The following RABGAP1L variants were observed in gnomAD, a reference collection of about 807,000 sequenced individuals.
RABGAP1L encodes the protein rab GTPase-activating protein 1-like.
In RABGAP1L, 63 loss-of-function variants were observed where a neutral mutation model predicts 137.7. The ratio of observed to expected loss-of-function variants is 0.46; its 90% CI spans 0.37 to 0.56. The LOEUF (loss-of-function observed/expected upper bound fraction) is 0.56. RABGAP1L is among the 20% of genes least tolerant of loss of function. The pLI is 0.00. For synonymous variants in RABGAP1L, 431 were observed against 433.7 expected (o/e 0.99, Z 0.08); for missense variants, 1,095 against 1,244.0 (o/e 0.88, Z 1.80).
At chr1:174,375,360 A>G (rs1383814712) in intron 12 of RABGAP1L, among the ~76,000 whole-genome samples, 1 of 151,930 alleles carries the variant, frequency 6.6e-6, no homozygotes, top group Non-Finnish European at 1.5e-5. Flanking sequence ...AAGCAAGGAA[A>G]TAAGAACAGA....
intron 19 of RABGAP1L, among the ~76,000 whole-genome samples, chr1:174,891,744 A>G (rs1656179415): frequency 1.3e-5 from 2 of 152,134 alleles, no homozygotes; most frequent in South Asian, 2.1e-4. Context: ...GCTTCAAGCA[A>G]TCCTCCAGCC....
chr1:174,512,159 G>C (rs1009008847), intron 13 of RABGAP1L, among the ~76,000 whole-genome samples: 2 of 151,950 alleles, frequency 1.3e-5, no homozygotes, highest in African/African-American at 4.8e-5. Context: ...AACTAGTTAG[G>C]AAAAACAAAG....
intron 9 of RABGAP1L, among the ~76,000 whole-genome samples, chr1:174,276,584 A>C (rs1248829491): frequency 1.3e-5 from 2 of 152,168 alleles, no homozygotes; most frequent in African/African-American, 4.8e-5. Flanking sequence ...TAGAATTTTG[A>C]ATATTTTTAA....
intron 13 of RABGAP1L, among the ~76,000 whole-genome samples, chr1:174,636,646 A>T (rs529602724): frequency 3.3e-4 from 50 of 152,208 alleles, no homozygotes; most frequent in African/African-American, 1.1e-3. Flanking sequence ...TTTTTAAATG[A>T]CCATGGTCTG....
chr1:174,787,374 G>T (rs1687523731), intron 18 of RABGAP1L, among the ~76,000 whole-genome samples: 1 of 147,532 alleles, frequency 6.8e-6, no homozygotes, highest in South Asian at 2.2e-4. Context: ...TTGCACTCTG[G>T]CCTGGGTGAC....
intron 1 of RABGAP1L, 141 bp from the exon 2 acceptor site, chr1:174,218,984 T>A: frequency 1.6e-6 from 1 of 631,312 alleles, no homozygotes; most frequent in East Asian, 3.1e-5. Context: ...GAAGGTAGCC[T>A]CCCTAACTTT....
chr1:174,278,089 T>C (rs1675149674), intron 9 of RABGAP1L, among the ~76,000 whole-genome samples: 1 of 152,282 alleles, frequency 6.6e-6, no homozygotes, highest in East Asian at 1.9e-4. Flanking sequence ...TGGTATGGAA[T>C]GACCAGGCCA....
chr1:174,583,345 A>T (rs1428165779), intron 13 of RABGAP1L, among the ~76,000 whole-genome samples: 2 of 152,090 alleles, frequency 1.3e-5, no homozygotes, highest in Non-Finnish European at 2.9e-5. Flanking sequence ...TTTCCTGCCC[A>T]TCTGCATCTC....
At position 174,275,921 on chromosome 1, in the gene RABGAP1L, A is replaced by G. The variant is rs1440228956; in HGVS notation, c.1142A>G (p.Glu381Gly). The change falls in exon 9 of 26, where the codon GAG becomes GGG. Residue 381 changes from glutamate (E) to glycine (G), a missense_variant. Transcript: ENST00000681986. ...GCACCAGTATTTCTGGCACTTAACGAGGAAACCCCAAAAGGTGACTTTTCT... is the reference window on the plus strand; with the variant it reads ...GCACCAGTATTTCTGGCACTTAACGGGGAAACCCCAAAAGGTGACTTTTCT... ...PNAPVFLALN[E>G]ETPKDKQVYM... The G allele has an allele frequency of 1.2e-6, 2 of 1,611,792 alleles. No individual in the cohort carries two copies. Among genetic ancestry groups the G allele is most frequent in the Non-Finnish European group, 1.7e-6 (2 of 1,178,566 alleles).
intron 6 of RABGAP1L, among the ~76,000 whole-genome samples, chr1:174,252,074 T>C (rs1391903769): frequency 4.6e-5 from 7 of 152,120 alleles, no homozygotes; most frequent in Non-Finnish European, 1.0e-4. Context: ...TTTGTATTTT[T>C]AGTAGAGATG....
At chr1:174,813,803 G>A (rs987241379) in intron 19 of RABGAP1L, among the ~76,000 whole-genome samples, 1 of 152,200 alleles carries the variant, frequency 6.6e-6, no homozygotes, top group Non-Finnish European at 1.5e-5. Flanking sequence ...TGTGGGTGGT[G>A]AGTTTGAAAG....
At chr1:174,807,527 C>T (rs1308484146) in intron 18 of RABGAP1L, among the ~76,000 whole-genome samples, 2 of 152,154 alleles carry the variant, frequency 1.3e-5, no homozygotes. Flanking sequence ...TCTCTGTAAG[C>T]TTATAATCTG....
At chr1:174,587,854 A>G (rs971633334) in intron 13 of RABGAP1L, among the ~76,000 whole-genome samples, 2 of 151,886 alleles carry the variant, frequency 1.3e-5, no homozygotes, top group African/African-American at 2.4e-5. Flanking sequence ...TATACTCTTT[A>G]GATTTATTTA....
chr1:174,510,221 T>A (rs1468987157), intron 13 of RABGAP1L, among the ~76,000 whole-genome samples: 1 of 152,198 alleles, frequency 6.6e-6, no homozygotes, highest in African/African-American at 2.4e-5. Context: ...TGGAATGGAT[T>A]TTTCCCCCTC....
At chr1:174,674,629 T>C (rs1268049825) in intron 14 of RABGAP1L, among the ~76,000 whole-genome samples, 1 of 150,756 alleles carries the variant, frequency 6.6e-6, no homozygotes, top group East Asian at 2.0e-4. Context: ...GGTCAAATGG[T>C]ATTTCTAGTT....
intron 19 of RABGAP1L, among the ~76,000 whole-genome samples, chr1:174,874,202 GTTCTATCAAATAAACCTAT>G (rs745351292): frequency 0.012 from 1,806 of 151,458 alleles, 51 homozygotes; most frequent in African/African-American, 0.041. Context: ...TATTCGATAG[GTTCTATCAAATAAACCTAT>G]TTCTATCAAA....
chr1:174,488,417 T>C (rs1288030796), intron 13 of RABGAP1L, among the ~76,000 whole-genome samples: 1 of 152,090 alleles, frequency 6.6e-6, no homozygotes. Flanking sequence ...CTCCATTGTA[T>C]GTTATTTGTT....
At chr1:174,363,639 A>G (rs1411455780) in intron 11 of RABGAP1L, among the ~76,000 whole-genome samples, 2 of 152,174 alleles carry the variant, frequency 1.3e-5, no homozygotes, top group African/African-American at 4.8e-5. Context: ...CTTAGAGGAA[A>G]GACTTTCAGT....
chr1:174,893,095 A>G, intron 19 of RABGAP1L: 1 of 356,122 alleles, frequency 2.8e-6, no homozygotes, highest in Non-Finnish European at 5.8e-6. Context: ...TTGGAAAGTG[A>G]TTGGTGACAA....
Sources: gnomAD v4.1 joint callset for allele counts (sites outside exome capture counted in the v4.1 genomes callset) on GRCh38, gnomAD v4.1.1 for gene constraint, MANE v1.5 for transcripts, NCBI Gene and HGNC (gene_info 2026-07-23, HGNC 2026-07-21) for gene names.